AGPAT3: variants seen among roughly 807,000 people sequenced by gnomAD.
The protein encoded by AGPAT3 is 1-acyl-sn-glycerol-3-phosphate acyltransferase gamma.
Under a neutral mutation model 47.3 loss-of-function variants are expected in AGPAT3, and 5 were observed. That is an observed-to-expected ratio of 0.11 (90% CI 0.06 to 0.22). AGPAT3 has a LOEUF of 0.22. Ranked by LOEUF, AGPAT3 falls within the 10% of genes least tolerant of loss-of-function variation. AGPAT3 has a pLI of 1.00. For missense variants in AGPAT3, 315 were observed against 493.0 expected, an observed-to-expected ratio of 0.64 and a Z score of 3.42; for synonymous variants, 212 against 208.3, an observed-to-expected ratio of 1.02 and a Z score of -0.15.
At chr21:43,913,758 A>G (rs768637003) in intron 2 of AGPAT3, among the ~76,000 whole-genome samples, 2 of 152,196 alleles carry the variant, frequency 1.3e-5, no homozygotes, top group African/African-American at 4.8e-5. Context: ...CACAGAGACC[A>G]GGGAGGCTGC....
intron 1 of AGPAT3, among the ~76,000 whole-genome samples, chr21:43,895,872 T>G (rs916279417): frequency 6.6e-6 from 1 of 152,186 alleles, no homozygotes; most frequent in East Asian, 1.9e-4. Context: ...GTTTGAGTGG[T>G]TCTTCTGCCT....
intron 3 of AGPAT3, among the ~76,000 whole-genome samples, chr21:43,963,252 C>T (rs1014376788): frequency 2.0e-5 from 3 of 152,278 alleles, no homozygotes; most frequent in Non-Finnish European, 4.4e-5. Flanking sequence ...CCCCCATCCC[C>T]AAAGGAGAGA....
rs1347209759 is a variant in AGPAT3, at chr21:43,905,051, G to T, written c.-49+1032G>T. On this transcript the variant is annotated intron_variant, in intron 2 of 9. Transcript: ENST00000291572. ...CTCGGGCTTTCAGAGATGTAGTCATGGCGGACCTCAAACAGCATTGCTGAC... is the reference window on the plus strand; with the variant it reads ...CTCGGGCTTTCAGAGATGTAGTCATTGCGGACCTCAAACAGCATTGCTGAC... 2.0e-5 allele frequency among the ~76,000 whole-genome samples: 3 copies of T among 152,182 alleles called. No homozygotes were observed. In the East Asian group the frequency reaches 5.8e-4, roughly 29 times the overall value.
rs1199707206 is a variant in AGPAT3 at position 43,982,406 on chromosome 21, C to A, written c.*14C>A. 1.9e-6 allele frequency: 3 copies of A among 1,597,308 alleles called. No individual in the cohort carries two copies. Among genetic ancestry groups the A allele is most frequent in the East Asian group, 2.2e-5 (1 of 44,808 alleles). ...AAAAAGGAATAATTAATGGCTGTGA[C>A]TGAACACACGCGGCCCTGACGGTGG... On this transcript the variant is annotated 3_prime_UTR_variant, in exon 10 of 10. Transcript: ENST00000291572. This position sits in a 1 kb window ranked among gnomAD's most constrained non-coding sequence, Gnocchi z 6.2.
chr21:43,900,577 G>A (rs1348043668), intron 1 of AGPAT3, among the ~76,000 whole-genome samples: 2 of 152,156 alleles, frequency 1.3e-5, no homozygotes, highest in Non-Finnish European at 2.9e-5. Context: ...TATGGAAGAA[G>A]AGGGAGTTCC....
At chr21:43,911,978 C>T (rs1395237797) in intron 2 of AGPAT3, among the ~76,000 whole-genome samples, 1 of 152,220 alleles carries the variant, frequency 6.6e-6, no homozygotes. Flanking sequence ...CCAGGCTGGG[C>T]CCCAGCGCAT....
chr21:43,871,582 G>T lies in AGPAT3; in HGVS notation c.-112+6237G>T, dbSNP rs145016636. Among the ~76,000 whole-genome samples the T allele has an allele frequency of 2.0e-4, 31 of 152,252 alleles. No homozygotes were observed. In the East Asian group the frequency reaches 3.9e-3, roughly 19 times the overall value. The stretch of plus-strand genomic sequence containing the variant: ...GCACTTGGCATTGCTGTTGATTTTC[G>T]CAAAGCTGGTAGATGCAAAGTGTTG... On this transcript the variant is annotated intron_variant, in intron 1 of 9. Transcript: ENST00000291572.
At chr21:43,901,023 T>C (rs761434051) in intron 1 of AGPAT3, among the ~76,000 whole-genome samples, 1 of 152,152 alleles carries the variant, frequency 6.6e-6, no homozygotes, top group African/African-American at 2.4e-5. Context: ...ACATCCAGGC[T>C]AGACACTGTA....
intron 1 of AGPAT3, among the ~76,000 whole-genome samples, chr21:43,879,569 C>T (rs1435033190): frequency 1.3e-5 from 2 of 151,816 alleles, no homozygotes; most frequent in Admixed American, 1.3e-4. Context: ...GGGGGTGTGG[C>T]CCAGGCAAGT....
chr21:43,873,180 G>T (rs1013356722), intron 1 of AGPAT3, among the ~76,000 whole-genome samples: 7 of 152,168 alleles, frequency 4.6e-5, no homozygotes, highest in African/African-American at 1.7e-4. Flanking sequence ...TAGTGGCATG[G>T]GTGTTGGAGT....
Position 43,933,069 on chromosome 21 carries a change from A to G in AGPAT3, c.-48-26565A>G, listed in dbSNP as rs1159349506. Among the ~76,000 whole-genome samples the G allele has an allele frequency of 6.6e-6, 1 of 152,050 alleles. No homozygotes were observed. Among genetic ancestry groups the G allele is most frequent in the Non-Finnish European group, 1.5e-5 (1 of 68,014 alleles). ...GCCTTTTCTCTGCGTTCTCGTCAAC[A>G]CCTGTTACATTCGTCTTTTTGATAA... On this transcript the variant is annotated intron_variant, in intron 2 of 9. Transcript: ENST00000291572. The surrounding 1 kb of genome is among the most constrained non-coding windows in gnomAD (Gnocchi z 6.0).
Position 43,981,109 on chromosome 21 carries a change from C to T in AGPAT3, c.964C>T (p.Leu322Phe). The T allele has an allele frequency of 6.2e-7, 1 of 1,614,226 alleles. No homozygotes were observed. The highest frequency in any genetic ancestry group is 2.2e-5 in the East Asian group (1 of 44,880). Residue 322 changes from leucine to phenylalanine, a missense_variant, in exon 9 of 10, where the codon CTC becomes TTC. Leu to Phe is a conservative substitution (Grantham distance 22, BLOSUM62 0). Transcript: ENST00000291572. This position sits in a 1 kb window ranked among gnomAD's most constrained non-coding sequence, Gnocchi z 5.3. ...LSWATILLSPLFSFVLGVFAS... is the reference protein window; with the variant it reads ...LSWATILLSPFFSFVLGVFAS... Reference sequence around the variant, plus strand: ...CTGGGCCACCATTCTCCTGTCTCCCCTCTTCAGTTTTGTCTTGGGCGTCTT... The same window carrying T: ...CTGGGCCACCATTCTCCTGTCTCCCTTCTTCAGTTTTGTCTTGGGCGTCTT...
In AGPAT3 at chr21:43,934,883, G is replaced by C. The variant is rs1019450078; in HGVS notation, c.-48-24751G>C. 7.1e-6 allele frequency among the ~76,000 whole-genome samples: 1 copy of C among 141,752 alleles called. No individual in the cohort carries two copies. The highest frequency in any genetic ancestry group is 7.0e-5 in the Admixed American group (1 of 14,216). 93.0% of individuals were successfully genotyped at this position (141,752 alleles called of 152,430 possible). ...CACATGCCATTGACACGCCACCCACGCCACTCACATGCCACCCATGCCACC... is the reference window on the plus strand; with the variant it reads ...CACATGCCATTGACACGCCACCCACCCCACTCACATGCCACCCATGCCACC... On this transcript the variant is annotated intron_variant, in intron 2 of 9. Coordinates refer to ENST00000291572, the MANE Select transcript of AGPAT3 (RefSeq NM_020132.5). This position sits in a 1 kb window ranked among gnomAD's most constrained non-coding sequence, Gnocchi z 4.7.
At chr21:43,946,593 CCTT>C (rs2087900357) in intron 2 of AGPAT3, among the ~76,000 whole-genome samples, 1 of 148,478 alleles carries the variant, frequency 6.7e-6, no homozygotes, top group African/African-American at 2.5e-5. Context: ...AAACAAGACT[CCTT>C]CTTAAAAAAA....
rs1433052071 is a variant in AGPAT3 at position 43,982,149 on chromosome 21, C to T, written c.1043-155C>T. 1.3e-5 allele frequency among the ~76,000 whole-genome samples: 2 copies of T among 152,204 alleles called. No homozygotes were observed. Among genetic ancestry groups the T allele is most frequent in the East Asian group, 1.9e-4 (1 of 5,194 alleles). On this transcript the variant is annotated intron_variant, in intron 9 of 9. Coordinates refer to ENST00000291572, the MANE Select transcript of AGPAT3 (RefSeq NM_020132.5). The surrounding 1 kb of genome is among the most constrained non-coding windows in gnomAD (Gnocchi z 6.2). ...CCACGGTCTGAGAGGGCTGTCTCCC[C>T]GCGGGCCACACCTACTCACTGACAG...
At chr21:43,940,843 G>A (rs1455771599) in intron 2 of AGPAT3, among the ~76,000 whole-genome samples, 6 of 152,242 alleles carry the variant, frequency 3.9e-5, no homozygotes, top group Non-Finnish European at 7.3e-5. Context: ...AGTCCGTGCC[G>A]GCTCTTACTG....
At chr21:43,889,540 G>A (rs998798407) in intron 1 of AGPAT3, among the ~76,000 whole-genome samples, 4 of 152,088 alleles carry the variant, frequency 2.6e-5, no homozygotes, top group African/African-American at 9.7e-5. Flanking sequence ...GCACACCTTG[G>A]TGATATTGTG....
rs576807059 is a variant in AGPAT3 at position 43,955,109 on chromosome 21, C to T, written c.-48-4525C>T. 2.4e-5 allele frequency: 30 copies of T among 1,270,788 alleles called. No homozygotes were observed. Among genetic ancestry groups the T allele is most frequent in the African/African-American group, 7.7e-5 (5 of 65,290 alleles). The allele number at this position is 1,270,788 out of a possible 1,614,324, so 78.7% of individuals were successfully genotyped here. A position where few individuals can be genotyped will look rare whatever the true frequency, so the allele number is the denominator to read the frequency against. ...CGGCAGGGAGCGTATCACCGTGGCA[C>T]GTCCATGCCGTGGGGGTCACTCAGC... On this transcript the variant is annotated intron_variant, in intron 2 of 9. Transcript: ENST00000291572. This position sits in a 1 kb window ranked among gnomAD's most constrained non-coding sequence, Gnocchi z 4.1.
At chr21:43,974,904 G>A (rs746307003) in intron 7 of AGPAT3, among the ~76,000 whole-genome samples, 25 of 152,232 alleles carry the variant, frequency 1.6e-4, no homozygotes, top group Admixed American at 5.2e-4. Flanking sequence ...TGGGGCCAAT[G>A]TGAAGCTGCT....
Sources: allele counts gnomAD v4.1 joint callset (sites outside exome capture counted in the v4.1 genomes callset), GRCh38; gene constraint gnomAD v4.1.1; non-coding constraint Gnocchi (gnomAD v3.1); transcripts MANE v1.5; gene names NCBI Gene and HGNC (gene_info 2026-07-23, HGNC 2026-07-21).